Variants in KCNIP1 observed in about 807,000 individuals in gnomAD.
The protein encoded by KCNIP1 is potassium voltage-gated channel interacting protein 1.
KCNIP1 carries 18 observed loss-of-function variants against 33.0 expected under a neutral mutation model. The observed-to-expected ratio is 0.55, with a 90% CI of 0.38 to 0.81. The LOEUF (loss-of-function observed/expected upper bound fraction) is 0.81. Ranked by LOEUF, KCNIP1 falls within the 30% of genes least tolerant of loss-of-function variation. The pLI, the probability that KCNIP1 is intolerant of heterozygous loss-of-function variation, is 0.00. For missense variants in KCNIP1, 238 were observed against 271.6 expected, an observed-to-expected ratio of 0.88 and a Z score of 0.87; for synonymous variants, 93 against 98.3, an observed-to-expected ratio of 0.95 and a Z score of 0.32.
intron 1 of KCNIP1, among the ~76,000 whole-genome samples, chr5:170,553,097 G>T (rs550392091): frequency 1.8e-4 from 28 of 152,302 alleles, no homozygotes; most frequent in African/African-American, 6.3e-4. Flanking sequence ...GGGGAAAATC[G>T]TAACCCCAGC....
At chr5:170,735,193 C>G (rs185863326) in intron 7 of KCNIP1, among the ~76,000 whole-genome samples, 2 of 152,114 alleles carry the variant, frequency 1.3e-5, no homozygotes, top group African/African-American at 4.8e-5. Flanking sequence ...GGTTTTCTTA[C>G]TGTATGTCTC....
At chr5:170,393,077 C>T (rs936725925) in intron 1 of KCNIP1, among the ~76,000 whole-genome samples, 2 of 152,196 alleles carry the variant, frequency 1.3e-5, no homozygotes, top group South Asian at 2.1e-4. Flanking sequence ...CCCAAGGTCA[C>T]GCCCCTAGCG....
intron 1 of KCNIP1, among the ~76,000 whole-genome samples, chr5:170,486,828 C>T (rs2113187644): frequency 6.6e-6 from 1 of 152,190 alleles, no homozygotes; most frequent in East Asian, 1.9e-4. Flanking sequence ...CCAGCCTGTA[C>T]CTGCCACCCT....
At chr5:170,541,487 G>C (rs1379711210) in intron 1 of KCNIP1, among the ~76,000 whole-genome samples, 1 of 152,176 alleles carries the variant, frequency 6.6e-6, no homozygotes, top group Non-Finnish European at 1.5e-5. Context: ...AATGAATGAT[G>C]CTCCCAGCCT....
intron 1 of KCNIP1, among the ~76,000 whole-genome samples, chr5:170,470,887 C>G (rs1276111678): frequency 6.6e-6 from 1 of 152,174 alleles, no homozygotes; most frequent in Admixed American, 6.5e-5. Context: ...GGTTGGAGTT[C>G]GGTCCTCAGC....
At chr5:170,434,470 C>T (rs754262501) in intron 1 of KCNIP1, among the ~76,000 whole-genome samples, 1 of 152,132 alleles carries the variant, frequency 6.6e-6, no homozygotes, top group Non-Finnish European at 1.5e-5. Flanking sequence ...TATCATCATA[C>T]CTCTCCCCAG....
chr5:170,489,593 A>G lies in KCNIP1; in HGVS notation c.88+135629A>G, dbSNP rs576642344. ...GTTCTGAGCAGACCACGCAAAATAC[A>G]ACTGTGATGTTATTTGCAGCAGGCA... On this transcript the variant is annotated intron_variant, in intron 1 of 7. Coordinates refer to the KCNIP1 transcript ENST00000377360. This position sits in a 1 kb window ranked among gnomAD's most constrained non-coding sequence, Gnocchi z 4.3. Among the ~76,000 whole-genome samples, 46 of 152,298 alleles carry G rather than the reference A, an allele frequency of 3.0e-4. No individual in the cohort carries two copies. Among genetic ancestry groups the G allele is most frequent in the Admixed American group, 5.9e-4 (9 of 15,298 alleles).
At chr5:170,361,612 C>T (rs1407663877) in intron 1 of KCNIP1, among the ~76,000 whole-genome samples, 1 of 152,148 alleles carries the variant, frequency 6.6e-6, no homozygotes, top group Non-Finnish European at 1.5e-5. Flanking sequence ...GCCTAAGCTA[C>T]CATACAAAGA....
chr5:170,387,359 G>A (rs314110), intron 1 of KCNIP1, among the ~76,000 whole-genome samples: 7,706 of 152,194 alleles, frequency 0.051, 345 homozygotes, highest in African/African-American at 0.12. Context: ...CTGCTCAGGC[G>A]TCTCTTAACT....
chr5:170,704,203 A>AGTGTTGGGGAATCGTCTGGAAAGG (rs1184440637), intron 1 of KCNIP1, among the ~76,000 whole-genome samples: 3 of 123,372 alleles, frequency 2.4e-5, no homozygotes, highest in African/African-American at 1.0e-4. Flanking sequence ...CATGACAGGG[A>AGTGTTGGGGAATCGTCTGGAAAGG]TTAGTCTCTG....
At chr5:170,720,465 C>T in intron 3 of KCNIP1, 75 bp downstream of exon 3, 2 of 1,170,404 alleles carry the variant, frequency 1.7e-6, no homozygotes, top group East Asian at 2.4e-5. Flanking sequence ...CAAGTCCTCT[C>T]TTCCTTGCCA....
intron 1 of KCNIP1, among the ~76,000 whole-genome samples, chr5:170,442,539 G>A (rs1211995761): frequency 6.6e-6 from 1 of 152,106 alleles, no homozygotes; most frequent in African/African-American, 2.4e-5. Context: ...GTTTCTCCAG[G>A]GAAAGGCCTT....
chr5:170,617,607 TCTC>T (rs1221585999), intron 1 of KCNIP1, among the ~76,000 whole-genome samples: 1 of 152,098 alleles, frequency 6.6e-6, no homozygotes, highest in Non-Finnish European at 1.5e-5. Context: ...CCCTAAAAGA[TCTC>T]CTGCAATGGG....
rs530947994 is a variant in KCNIP1 at position 170,546,535 on chromosome 5, A to G, written c.61+41902A>G. 5.3e-5 allele frequency among the ~76,000 whole-genome samples: 8 copies of G among 152,268 alleles called. 2 individuals are homozygous for G. In the South Asian group the frequency reaches 1.2e-3, roughly 24 times the overall value. ...CAGTAGACAACCTCTGCTTGGGCCA[A>G]TGCCAGTCCTCAACCCACGTCCAGA... is the stretch of plus-strand genomic sequence containing the variant. On this transcript the variant is annotated intron_variant, in intron 1 of 7. Transcript: ENST00000328939.
chr5:170,489,188 A>G lies in KCNIP1; in HGVS notation c.88+135224A>G, dbSNP rs1757156159. On this transcript the variant is annotated intron_variant, in intron 1 of 7. Transcript: ENST00000377360. This position sits in a 1 kb window ranked among gnomAD's most constrained non-coding sequence, Gnocchi z 4.3. ...CCTGGGAGGCTGCAGGCACTGAAGG[A>G]AGAGGTAGGGGACGATGACTCCATC... Among the ~76,000 whole-genome samples the G allele has an allele frequency of 6.6e-6, 1 of 152,186 alleles. No individual in the cohort carries two copies. The highest frequency in any genetic ancestry group is 2.1e-4 in the South Asian group (1 of 4,824).
chr5:170,566,775 G>A (rs547459212), intron 1 of KCNIP1, among the ~76,000 whole-genome samples: 1 of 152,340 alleles, frequency 6.6e-6, no homozygotes, highest in South Asian at 2.1e-4. Flanking sequence ...TGACGGTGGA[G>A]CACCATGAAA....
intron 1 of KCNIP1, among the ~76,000 whole-genome samples, chr5:170,572,957 ACT>A (rs894686875): frequency 1.3e-5 from 2 of 152,146 alleles, no homozygotes; most frequent in African/African-American, 4.8e-5. Flanking sequence ...CATAACACCC[ACT>A]GTTATATTTG....
intron 5 of KCNIP1, among the ~76,000 whole-genome samples, chr5:170,724,789 A>G (rs1287849794): frequency 6.6e-6 from 1 of 152,220 alleles, no homozygotes; most frequent in East Asian, 1.9e-4. Context: ...CATACACTGA[A>G]AACTATAAAA....
intron 1 of KCNIP1, among the ~76,000 whole-genome samples, chr5:170,625,409 G>C (rs1284059660): frequency 6.6e-6 from 1 of 152,172 alleles, no homozygotes; most frequent in Non-Finnish European, 1.5e-5. Flanking sequence ...CAGGACCCCT[G>C]GCTGCGGCGT....
Sources: allele counts gnomAD v4.1 joint callset (sites outside exome capture counted in the v4.1 genomes callset), GRCh38; gene constraint gnomAD v4.1.1; non-coding constraint Gnocchi (gnomAD v3.1); transcripts MANE v1.5; gene names NCBI Gene and HGNC (gene_info 2026-07-23, HGNC 2026-07-21).